GABRB1: variants seen among roughly 807,000 people sequenced by gnomAD.
GABRB1 encodes the protein gamma-aminobutyric acid type A receptor subunit beta1.
GABRB1 carries 17 observed loss-of-function variants against 51.6 expected under a neutral mutation model. The ratio of observed to expected loss-of-function variants is 0.33; its 90% CI spans 0.23 to 0.49. The LOEUF is 0.49. GABRB1 is among the 20% of genes least tolerant of loss of function. GABRB1 has a pLI of 0.99. For missense variants in GABRB1, 410 were observed against 600.6 expected (o/e 0.68, Z 3.32); for synonymous variants, 247 against 218.9 (o/e 1.13, Z -1.14).
intron 3 of GABRB1, among the ~76,000 whole-genome samples, chr4:47,126,692 A>G (rs1008949065): frequency 6.6e-6 from 1 of 151,796 alleles, no homozygotes; most frequent in Non-Finnish European, 1.5e-5. Context: ...TGTAGAGGAG[A>G]TTAAGAATCA....
chr4:47,341,678 A>AT (rs552378732), intron 5 of GABRB1, among the ~76,000 whole-genome samples: 2 of 151,842 alleles, frequency 1.3e-5, no homozygotes, highest in Admixed American at 6.6e-5. Context: ...CCTTCTAATC[A>AT]TTTTTTTTCG....
chr4:47,171,334 A>T (rs904959725), intron 4 of GABRB1, among the ~76,000 whole-genome samples: 1 of 152,102 alleles, frequency 6.6e-6, no homozygotes. Context: ...AAAAGAAAAG[A>T]AAAAACAAAT....
chr4:47,150,873 A>T (rs1698449608), intron 3 of GABRB1, among the ~76,000 whole-genome samples: 2 of 152,006 alleles, frequency 1.3e-5, no homozygotes, highest in South Asian at 4.1e-4. Flanking sequence ...TTTAAGTAGA[A>T]GGAGAGAGAA....
intron 4 of GABRB1, among the ~76,000 whole-genome samples, chr4:47,228,102 C>T (rs1028542282): frequency 6.6e-6 from 1 of 152,144 alleles, no homozygotes; most frequent in African/African-American, 2.4e-5. Flanking sequence ...ACCCTGTGAA[C>T]TCTCAAAATT....
intron 4 of GABRB1, among the ~76,000 whole-genome samples, chr4:47,287,684 T>A (rs115896229): frequency 2.0e-5 from 3 of 152,234 alleles, no homozygotes; most frequent in Non-Finnish European, 2.9e-5. Context: ...GGATAGCATA[T>A]AGCACAAGTG....
chr4:47,163,032 T>C (rs767147235), intron 4 of GABRB1, among the ~76,000 whole-genome samples: 7 of 152,032 alleles, frequency 4.6e-5, no homozygotes, highest in Non-Finnish European at 1.0e-4. Context: ...ATGTTATCAA[T>C]ATCCTGGAAA....
intron 4 of GABRB1, among the ~76,000 whole-genome samples, chr4:47,310,612 T>C (rs1724633792): frequency 6.6e-6 from 1 of 152,194 alleles, no homozygotes; most frequent in African/African-American, 2.4e-5. Context: ...TTGAATCTAG[T>C]CTATCTGGGT....
chr4:47,296,521 C>T (rs1723999237), intron 4 of GABRB1, among the ~76,000 whole-genome samples: 1 of 152,134 alleles, frequency 6.6e-6, no homozygotes, highest in Non-Finnish European at 1.5e-5. Flanking sequence ...AAGGCCATTA[C>T]ATAATGGTAA....
chr4:47,346,024 T>C (rs988213374), intron 5 of GABRB1, among the ~76,000 whole-genome samples: 4 of 147,220 alleles, frequency 2.7e-5, no homozygotes, highest in Non-Finnish European at 4.5e-5. Context: ...TGTTCTGTGG[T>C]ATAAAGATAT....
At chr4:47,328,521 T>C (rs551137486) in intron 5 of GABRB1, among the ~76,000 whole-genome samples, 5 of 152,310 alleles carry the variant, frequency 3.3e-5, no homozygotes, top group Non-Finnish European at 7.3e-5. Context: ...CCAACCCAAA[T>C]GTCCAACAAT....
At chr4:47,159,725 T>C (rs1717855775) in intron 3 of GABRB1, among the ~76,000 whole-genome samples, 1 of 152,126 alleles carries the variant, frequency 6.6e-6, no homozygotes, top group Non-Finnish European at 1.5e-5. Flanking sequence ...AATATTGTTT[T>C]ATATTTTAAG....
chr4:47,387,343 G>T (rs1727834372), intron 5 of GABRB1, among the ~76,000 whole-genome samples: 1 of 152,066 alleles, frequency 6.6e-6, no homozygotes, highest in South Asian at 2.1e-4. Context: ...ATGGTGTTAT[G>T]CACTTGTAAT....
intron 1 of GABRB1, among the ~76,000 whole-genome samples, chr4:47,014,396 T>G (rs1724677446): frequency 6.6e-6 from 1 of 152,230 alleles, no homozygotes. Context: ...AATCTAACAC[T>G]ATTGTCATGT....
intron 5 of GABRB1, among the ~76,000 whole-genome samples, chr4:47,360,911 C>G (rs1002381929): frequency 3.9e-5 from 6 of 152,082 alleles, no homozygotes; most frequent in Non-Finnish European, 8.8e-5. Context: ...CAAACACATT[C>G]TAAATGCCTT....
At chr4:47,001,344 G>T (rs191758928) in intron 1 of GABRB1, among the ~76,000 whole-genome samples, 19 of 152,078 alleles carry the variant, frequency 1.2e-4, no homozygotes, top group South Asian at 2.1e-4. Context: ...TGGTTTCACC[G>T]TGTTAGCCAG....
chr4:47,167,056 G>T (rs577902226), intron 4 of GABRB1, among the ~76,000 whole-genome samples: 4 of 152,234 alleles, frequency 2.6e-5, no homozygotes, highest in Admixed American at 2.0e-4. Flanking sequence ...AATGTGAATT[G>T]TATTTCCTTA....
intron 3 of GABRB1, among the ~76,000 whole-genome samples, chr4:47,129,042 A>G (rs566940997): frequency 1.1e-4 from 16 of 152,266 alleles, no homozygotes; most frequent in African/African-American, 3.8e-4. Context: ...TCACATATAC[A>G]TACATGATTG....
upstream of GABRB1, chr4:47,031,566 C>A: frequency 9.1e-7 from 1 of 1,103,154 alleles, no homozygotes; most frequent in Non-Finnish European, 1.4e-6. Context: ...TGCGCAGGTC[C>A]ATTCGGGAAT....
intron 3 of GABRB1, among the ~76,000 whole-genome samples, chr4:47,081,996 C>A (rs994406161): frequency 2.6e-5 from 4 of 151,888 alleles, no homozygotes; most frequent in African/African-American, 9.7e-5. Flanking sequence ...TTGCTTATTT[C>A]ACAAAATTAT....
Sources: gnomAD v4.1 joint callset for allele counts (sites outside exome capture counted in the v4.1 genomes callset) on GRCh38, gnomAD v4.1.1 for gene constraint, MANE v1.5 for transcripts, NCBI Gene and HGNC (gene_info 2026-07-23, HGNC 2026-07-21) for gene names.